PKIG: variants seen among roughly 807,000 people sequenced by gnomAD.
The protein encoded by PKIG is protein kinase (cAMP-dependent, catalytic) inhibitor gamma.
A neutral mutation model predicts 6.8 loss-of-function variants in PKIG; 1 was observed. The ratio of observed to expected loss-of-function variants is 0.15; its 90% CI spans 0.05 to 0.69. The LOEUF (loss-of-function observed/expected upper bound fraction) is 0.69, where lower values mean the gene tolerates loss of function less well. PKIG is among the 30% of genes least tolerant of loss of function. The probability of loss-of-function intolerance (pLI) is 0.82; values close to 1 mark genes in which losing one functional copy is unlikely to be tolerated. For synonymous variants in PKIG, 39 were observed against 43.0 expected (o/e 0.91, Z 0.36); for missense variants, 77 against 104.0 (o/e 0.74, Z 1.13).
chr20:44,607,363 A>ATGTGTGTGTGTGTG (rs2065173233), intron 2 of PKIG, among the ~76,000 whole-genome samples: 1 of 121,326 alleles, frequency 8.2e-6, no homozygotes, highest in African/African-American at 3.7e-5. Flanking sequence ...GTGTGTGTAT[A>ATGTGTGTGTGTGTG]TATATATATA....
upstream of PKIG, among the ~76,000 whole-genome samples, chr20:44,578,616 A>G (rs934803674): frequency 1.2e-4 from 19 of 152,118 alleles, no homozygotes; most frequent in Admixed American, 9.8e-4. Context: ...TACCATGTCT[A>G]AAAGCTTCCT....
intron 2 of PKIG, among the ~76,000 whole-genome samples, chr20:44,601,082 G>A (rs1339780122): frequency 1.3e-5 from 2 of 152,170 alleles, no homozygotes; most frequent in East Asian, 1.9e-4. Context: ...CCCAAAGGGT[G>A]TGGTGTCTGG....
intron 2 of PKIG, among the ~76,000 whole-genome samples, chr20:44,607,464 C>T (rs1208872668): frequency 6.8e-6 from 1 of 147,484 alleles, no homozygotes; most frequent in African/African-American, 2.5e-5. Flanking sequence ...GCAGCCTCTG[C>T]CTCTCGGGTT....
At chr20:44,544,925 CT>C (rs796482642) in intron 1 of PKIG, among the ~76,000 whole-genome samples, 256 of 64,376 alleles carry the variant, frequency 4.0e-3, no homozygotes, top group Non-Finnish European at 4.5e-3. Context: ...TTCCTTCTTT[CT>C]TTTTTTTTTT....
chr20:44,595,187 C>A (rs1050281899), intron 2 of PKIG, among the ~76,000 whole-genome samples: 1 of 152,192 alleles, frequency 6.6e-6, no homozygotes, highest in Non-Finnish European at 1.5e-5. Context: ...GGGTTAAGAG[C>A]CCCCTGTGAT....
intron 1 of PKIG, among the ~76,000 whole-genome samples, chr20:44,545,684 G>A (rs1184615876): frequency 1.3e-5 from 2 of 152,048 alleles, no homozygotes; most frequent in Admixed American, 6.6e-5. Flanking sequence ...ATGTGGTGGT[G>A]TGTCCCTGTA....
chr20:44,534,616 G>A (rs1051471184), intron 1 of PKIG, among the ~76,000 whole-genome samples: 5 of 151,802 alleles, frequency 3.3e-5, no homozygotes, highest in African/African-American at 4.8e-5. Flanking sequence ...ATACAGGTGC[G>A]AGCCACCACA....
chr20:44,568,828 GTAGATT>G lies in PKIG; in HGVS notation c.-240-13754_-240-13749del, dbSNP rs2064831541. On this transcript the variant is annotated intron_variant, in intron 1 of 4. Coordinates refer to the PKIG transcript ENST00000372887. Reference sequence around the variant, plus strand: ...TTGTGACTGTGTAATATTCCATTCTGTAGATTTACCAAAGTTTATTTAACCACTGCC... The same window carrying G: ...TTGTGACTGTGTAATATTCCATTCTGTACCAAAGTTTATTTAACCACTGCC... 2.0e-5 allele frequency among the ~76,000 whole-genome samples: 3 copies of G among 152,086 alleles called. No homozygotes were observed. In the South Asian group the frequency reaches 6.2e-4, roughly 32 times the overall value.
At chr20:44,602,662 A>T (rs1021844611) in intron 2 of PKIG, among the ~76,000 whole-genome samples, 1 of 151,462 alleles carries the variant, frequency 6.6e-6, no homozygotes. Flanking sequence ...GTGAAACCCC[A>T]TCTCTATTAA....
intron 2 of PKIG, among the ~76,000 whole-genome samples, chr20:44,595,783 A>T (rs1487559358): frequency 6.6e-6 from 1 of 152,132 alleles, no homozygotes; most frequent in South Asian, 2.1e-4. Context: ...AAGTGCTGGG[A>T]TTACAGGTGT....
At chr20:44,548,345 A>G (rs1028364197) in intron 1 of PKIG, among the ~76,000 whole-genome samples, 1 of 152,190 alleles carries the variant, frequency 6.6e-6, no homozygotes, top group Non-Finnish European at 1.5e-5. Context: ...AGTCAAGCCA[A>G]TTCCTTCTGT....
At chr20:44,543,065 AGAGTCCTTT>A (rs2064576945) in intron 1 of PKIG, among the ~76,000 whole-genome samples, 1 of 152,228 alleles carries the variant, frequency 6.6e-6, no homozygotes, top group Non-Finnish European at 1.5e-5. Context: ...ATGAGGCCCT[AGAGTCCTTT>A]GGACATGAAT....
intron 1 of PKIG, among the ~76,000 whole-genome samples, chr20:44,558,555 TTTTC>T (rs2064735428): frequency 6.9e-6 from 1 of 144,866 alleles, no homozygotes; most frequent in Non-Finnish European, 1.5e-5. Context: ...TCACATTTCT[TTTTC>T]TTTCTTTTTT....
At chr20:44,580,051 C>T (rs187304067), upstream of PKIG, among the ~76,000 whole-genome samples, 154 of 152,302 alleles carry the variant, frequency 1.0e-3, 2 homozygotes, top group Non-Finnish European at 8.8e-5. Flanking sequence ...TTTGACTTCC[C>T]GACCAATCTC....
intron 2 of PKIG, among the ~76,000 whole-genome samples, chr20:44,613,514 G>A (rs751939922): frequency 5.3e-5 from 8 of 152,128 alleles, no homozygotes; most frequent in South Asian, 2.1e-4. Context: ...CAAAGTTACC[G>A]AATAGGCCAA....
chr20:44,539,423 GT>G (rs770775515), intron 1 of PKIG, among the ~76,000 whole-genome samples: 325 of 138,508 alleles, frequency 2.3e-3, no homozygotes, highest in Non-Finnish European at 2.4e-3. Flanking sequence ...TTCTTTCTTT[GT>G]TTTTTTTTTT....
chr20:44,585,857 C>CT (rs1301504239), intron 1 of PKIG, among the ~76,000 whole-genome samples: 1 of 152,200 alleles, frequency 6.6e-6, no homozygotes, highest in African/African-American at 2.4e-5. Context: ...TCTACCGTTT[C>CT]TTTCGATTTA....
intron 1 of PKIG, among the ~76,000 whole-genome samples, chr20:44,537,199 G>T (rs745434409): frequency 3.9e-5 from 6 of 152,276 alleles, no homozygotes; most frequent in Non-Finnish European, 8.8e-5. Context: ...CCACCTCCTG[G>T]GTTCAAGCGA....
chr20:44,575,258 A>C (rs2064886951), intron 1 of PKIG, among the ~76,000 whole-genome samples: 1 of 151,980 alleles, frequency 6.6e-6, no homozygotes. Context: ...GCTGGCCGTC[A>C]CCCACGCTGG....
Sources: allele counts gnomAD v4.1 joint callset (sites outside exome capture counted in the v4.1 genomes callset), GRCh38; gene constraint gnomAD v4.1.1; transcripts MANE v1.5; gene names NCBI Gene and HGNC (gene_info 2026-07-23, HGNC 2026-07-21).